INTS6: variants seen among roughly 807,000 people sequenced by gnomAD.
INTS6 encodes the protein integrator complex subunit 6, also known as DEAD box protein.
INTS6 carries 16 observed loss-of-function variants against 104.9 expected under a neutral mutation model. The ratio of observed to expected loss-of-function variants is 0.15; its 90% confidence interval spans 0.10 to 0.23. INTS6 has a LOEUF of 0.23. Ranked by LOEUF, INTS6 falls within the 10% of genes least tolerant of loss-of-function variation. INTS6 has a pLI of 1.00. For missense variants in INTS6, 584 were observed against 1,062.8 expected (o/e 0.55, Z 6.26); for synonymous variants, 324 against 358.7 (o/e 0.90, Z 1.09).
intron 3 of INTS6, chr13:51,437,808 AGACCAGCCT>A (rs1285511472): frequency 6.6e-6 from 1 of 152,270 alleles, no homozygotes; most frequent in Non-Finnish European, 1.5e-5. Context: ...CAGGAGTTCC[AGACCAGCCT>A]GGCCAACATG....
intron 4 of INTS6, among the ~76,000 whole-genome samples, chr13:51,428,890 T>C (rs1346937519): frequency 6.6e-6 from 1 of 152,226 alleles, no homozygotes; most frequent in Non-Finnish European, 1.5e-5. Context: ...AATAAAACAA[T>C]TTTAGCTCTT....
intron 3 of INTS6, chr13:51,446,819 T>C (rs1008978091): frequency 4.6e-5 from 7 of 152,248 alleles, no homozygotes; most frequent in Non-Finnish European, 1.0e-4. Flanking sequence ...AAATACTGTA[T>C]GATTTCACTT....
chr13:51,354,900 A>C, intron 3 of INTS6: 137 of 571,240 alleles, frequency 2.4e-4, no homozygotes, highest in East Asian at 5.0e-4. Flanking sequence ...GCTTATGGGA[A>C]GGCGCCATGG....
intron 4 of INTS6, among the ~76,000 whole-genome samples, chr13:51,417,416 T>C (rs1388513494): frequency 6.6e-6 from 1 of 152,018 alleles, no homozygotes; most frequent in African/African-American, 2.4e-5. Context: ...TGTGCATGCA[T>C]ATTCAGTTGG....
intron 13 of INTS6, among the ~76,000 whole-genome samples, chr13:51,375,734 G>GAT (rs142921391): frequency 0.013 from 1,939 of 147,682 alleles, 35 homozygotes; most frequent in African/African-American, 0.041. Context: ...TTGATAAGTG[G>GAT]GTGTGTGTGT....
intron 4 of INTS6, among the ~76,000 whole-genome samples, chr13:51,411,814 G>A (rs183567957): frequency 2.0e-5 from 3 of 152,252 alleles, no homozygotes; most frequent in Admixed American, 2.0e-4. Context: ...AATTATGCTC[G>A]TAGGTATACA....
chr13:51,440,617 A>G (rs1300586954), intron 3 of INTS6: 1 of 152,112 alleles, frequency 6.6e-6, no homozygotes, highest in East Asian at 1.9e-4. Context: ...TATCTTTCAT[A>G]CCATATTTCT....
chr13:51,449,776 C>T (rs1021711472), intron 3 of INTS6: 2 of 985,116 alleles, frequency 2.0e-6, no homozygotes, highest in Admixed American at 6.1e-5. Flanking sequence ...AAGTTCATTG[C>T]AAATCTACCT....
chr13:51,361,828 G>C lies in INTS6; in HGVS notation c.*3924C>G, dbSNP rs766721227. The C allele has an allele frequency of 2.5e-6, 4 of 1,608,576 alleles. No individual in the cohort carries two copies. In the East Asian group the frequency reaches 6.7e-5, roughly 27 times the overall value. The stretch of plus-strand genomic sequence containing the variant: ...CCTGCAGCTCTGTTGTTATTGAAAA[G>C]GTCTCGGATTCCTATTTTTAAAGCA... On this transcript the variant is annotated 3_prime_UTR_variant, in exon 18 of 18. Coordinates refer to ENST00000311234, the MANE Select transcript of INTS6 (RefSeq NM_012141.3).
At chr13:51,420,514 T>C (rs935112795) in intron 4 of INTS6, among the ~76,000 whole-genome samples, 1 of 152,126 alleles carries the variant, frequency 6.6e-6, no homozygotes, top group African/African-American at 2.4e-5. Context: ...AGAATCTTTT[T>C]CTGGTGCTAA....
At chr13:51,418,742 C>T (rs1956840695) in intron 4 of INTS6, among the ~76,000 whole-genome samples, 1 of 152,184 alleles carries the variant, frequency 6.6e-6, no homozygotes, top group Non-Finnish European at 1.5e-5. Flanking sequence ...AATCACTTGA[C>T]AACCTGCAAT....
In INTS6 at chr13:51,362,847, G is replaced by A. The variant is rs559762905; in HGVS notation, c.*2905C>T. 6.6e-6 allele frequency: 1 copy of A among 152,532 alleles called. No homozygotes were observed. Among genetic ancestry groups the A allele is most frequent in the Non-Finnish European group, 1.5e-5 (1 of 67,904 alleles). The allele number at this position is 152,532 out of a possible 1,614,324, so 9.4% of individuals were successfully genotyped here. On this transcript the variant is annotated 3_prime_UTR_variant, in exon 18 of 18. Transcript: ENST00000311234. ...AAAGGAACATTTTTGTGACGAGAAA[G>A]ATATAAACCATTCACTAGAAAATAA...
intron 3 of INTS6, chr13:51,449,869 CCTAA>C (rs1297613887): frequency 1.0e-6 from 1 of 985,216 alleles, no homozygotes; most frequent in East Asian, 1.1e-4. Context: ...TACATATTTA[CCTAA>C]CTAAACGTTG....
chr13:51,449,465 T>C (rs1443107341), intron 3 of INTS6: 17 of 985,018 alleles, frequency 1.7e-5, no homozygotes, highest in Admixed American at 6.1e-5. Flanking sequence ...TGACAAGCAG[T>C]TTTTCGAAGG....
At chr13:51,367,945 T>C (rs1955725596) in intron 16 of INTS6, 47 bp from the exon 17 acceptor site, 1 of 975,546 alleles carries the variant, frequency 1.0e-6, no homozygotes, top group Non-Finnish European at 1.5e-6. Context: ...CTTTCATTTG[T>C]ATTCTTATTC....
downstream of INTS6, among the ~76,000 whole-genome samples, chr13:51,350,288 A>T (rs967359219): frequency 3.3e-5 from 5 of 152,154 alleles, no homozygotes; most frequent in South Asian, 2.1e-4. Flanking sequence ...ATAAATAAAT[A>T]AAAAAAGTGC....
intron 4 of INTS6, among the ~76,000 whole-genome samples, chr13:51,418,957 G>A (rs1473063106): frequency 6.6e-6 from 1 of 152,146 alleles, no homozygotes; most frequent in African/African-American, 2.4e-5. Flanking sequence ...CCCATTTGCA[G>A]TCAGTCTCCC....
chr13:51,357,117 A>G (rs550248058), downstream of INTS6, among the ~76,000 whole-genome samples: 1 of 152,306 alleles, frequency 6.6e-6, no homozygotes, highest in East Asian at 1.9e-4. Context: ...CAGACACCAT[A>G]TGGCTTGCAG....
rs185060992 is a variant in INTS6 at position 51,384,042 on chromosome 13, T to C, written c.895-301A>G. ...ACATCCAAAAAATTAGAAATGTATA[T>C]AGAAACTCTCACAAGTCTTCATTTG... On this transcript the variant is annotated intron_variant, in intron 7 of 17. Transcript: ENST00000311234. The C allele has an allele frequency of 3.5e-5, 7 of 198,840 alleles. No homozygotes were observed. In the East Asian group the frequency reaches 8.6e-4, roughly 25 times the overall value. The allele number at this position is 198,840 out of a possible 1,614,324, so 12.3% of individuals were successfully genotyped here.
Sources: allele counts gnomAD v4.1 joint callset (sites outside exome capture counted in the v4.1 genomes callset), GRCh38; gene constraint gnomAD v4.1.1; transcripts MANE v1.5; gene names NCBI Gene and HGNC (gene_info 2026-07-23, HGNC 2026-07-21).